Variants in TXLNB observed in about 807,000 individuals in gnomAD.
TXLNB encodes the protein taxilin beta, also known as beta-taxilin.
TXLNB carries 37 observed loss-of-function variants against 57.4 expected under a neutral mutation model. The ratio of observed to expected loss-of-function variants is 0.64; its 90% CI spans 0.50 to 0.85. The LOEUF is 0.85. Ranked by LOEUF, TXLNB falls within the 40% of genes least tolerant of loss-of-function variation. The pLI is 0.00. For missense variants in TXLNB, 848 were observed against 825.6 expected, an observed-to-expected ratio of 1.03 and a Z score of -0.33; for synonymous variants, 302 against 309.6, an observed-to-expected ratio of 0.98 and a Z score of 0.26.
the TXLNB span, among the ~76,000 whole-genome samples, chr6:139,227,525 A>G: frequency 1.1e-4 from 17 of 152,232 alleles, no homozygotes; most frequent in African/African-American, 4.1e-4. Context: ...AGTATCTCCT[A>G]TATCTGAAAT....
At chr6:139,186,045 A>G in the TXLNB span, among the ~76,000 whole-genome samples, 1 of 152,218 alleles carries the variant, frequency 6.6e-6, no homozygotes, top group South Asian at 2.1e-4. Flanking sequence ...AGTTGACCCT[A>G]TAATCAGTTG....
the TXLNB span, among the ~76,000 whole-genome samples, chr6:139,167,688 AAACAT>A: frequency 6.6e-6 from 1 of 152,188 alleles, no homozygotes; most frequent in Admixed American, 6.5e-5. Flanking sequence ...AGATCCTTAT[AAACAT>A]AACAGTGAGG....
intron 4 of TXLNB, among the ~76,000 whole-genome samples, chr6:139,263,962 A>C (rs1776549897): frequency 6.6e-6 from 1 of 152,206 alleles, no homozygotes; most frequent in Non-Finnish European, 1.5e-5. Context: ...CCAAATAAAA[A>C]CTGATGCTGA....
chr6:139,183,833 G>A, the TXLNB span, among the ~76,000 whole-genome samples: 127 of 149,440 alleles, frequency 8.5e-4, 1 homozygote, highest in African/African-American at 3.1e-3. Context: ...GGTTCGGTAC[G>A]TGCAAAATCA....
At chr6:139,260,476 T>C in intron 5 of TXLNB, 39 bp from the exon 6 acceptor site, 1 of 1,596,360 alleles carries the variant, frequency 6.3e-7, no homozygotes, top group Non-Finnish European at 8.5e-7. Context: ...CTTGGTTTAT[T>C]ATTGGTGCTT....
the TXLNB span, among the ~76,000 whole-genome samples, chr6:139,190,962 G>A: frequency 6.6e-6 from 1 of 152,108 alleles, no homozygotes; most frequent in Non-Finnish European, 1.5e-5. Context: ...AGAAAAAGAA[G>A]ACACCTTAAA....
At chr6:139,232,339 C>T in the TXLNB span, among the ~76,000 whole-genome samples, 236 of 152,258 alleles carry the variant, frequency 1.5e-3, no homozygotes, top group African/African-American at 5.5e-3. Context: ...CACATTCCAC[C>T]GGGTCCCTCC....
At chr6:139,264,485 C>G (rs1432278051) in intron 4 of TXLNB, among the ~76,000 whole-genome samples, 1 of 151,556 alleles carries the variant, frequency 6.6e-6, no homozygotes, top group East Asian at 2.0e-4. Flanking sequence ...AAATGTCAAA[C>G]AAACAATCAT....
the TXLNB span, among the ~76,000 whole-genome samples, chr6:139,192,780 T>TAA: frequency 0.022 from 3,115 of 143,846 alleles, 111 homozygotes; most frequent in African/African-American, 0.074. Flanking sequence ...CCGTCTCTAC[T>TAA]AAAAAAAAAA....
At chr6:139,252,440 CTAT>C (rs1349032032) in intron 7 of TXLNB, among the ~76,000 whole-genome samples, 2 of 152,196 alleles carry the variant, frequency 1.3e-5, no homozygotes, top group African/African-American at 4.8e-5. Flanking sequence ...TTCAGGACCT[CTAT>C]TTTATTCTTG....
chr6:139,170,859 A>G, the TXLNB span, among the ~76,000 whole-genome samples: 1 of 152,132 alleles, frequency 6.6e-6, no homozygotes, highest in Admixed American at 6.5e-5. Context: ...GACAGAGTTG[A>G]GGCTTTGTAG....
chr6:139,194,739 T>A, the TXLNB span, among the ~76,000 whole-genome samples: 1 of 152,202 alleles, frequency 6.6e-6, no homozygotes, highest in Non-Finnish European at 1.5e-5. Flanking sequence ...CTGTATAATG[T>A]TTTTCTTTCA....
At chr6:139,226,302 C>CAAAAAAAAAAAAAAA in the TXLNB span, among the ~76,000 whole-genome samples, 1 of 39,246 alleles carries the variant, frequency 2.5e-5, no homozygotes. Flanking sequence ...GACCCTGTCT[C>CAAAAAAAAAAAAAAA]AAAAAAAAAA....
chr6:139,213,977 C>T, the TXLNB span, among the ~76,000 whole-genome samples: 1 of 152,112 alleles, frequency 6.6e-6, no homozygotes, highest in African/African-American at 2.4e-5. Context: ...GAAATTGAGG[C>T]AATAATTAAT....
the TXLNB span, among the ~76,000 whole-genome samples, chr6:139,188,794 G>C: frequency 6.7e-6 from 1 of 149,840 alleles, no homozygotes; most frequent in Non-Finnish European, 1.5e-5. Flanking sequence ...TTGCTCTGTC[G>C]CCCAGGCTGG....
intron 7 of TXLNB, among the ~76,000 whole-genome samples, chr6:139,248,435 G>A (rs1198445819): frequency 1.3e-5 from 2 of 151,724 alleles, no homozygotes; most frequent in Non-Finnish European, 2.9e-5. Flanking sequence ...GGCAGGGGTT[G>A]CAGTGAGCAG....
At chr6:139,166,871 G>A in the TXLNB span, 12 of 1,613,786 alleles carry the variant, frequency 7.4e-6, no homozygotes, top group South Asian at 4.4e-5. Flanking sequence ...CCACTTCAGC[G>A]GCCCCCGCTC....
At chr6:139,222,615 T>C in the TXLNB span, among the ~76,000 whole-genome samples, 60 of 152,312 alleles carry the variant, frequency 3.9e-4, no homozygotes, top group African/African-American at 1.4e-3. Context: ...GAGACCAGCC[T>C]GGCCAACATG....
the TXLNB span, among the ~76,000 whole-genome samples, chr6:139,225,909 A>G: frequency 6.6e-6 from 1 of 152,220 alleles, no homozygotes; most frequent in African/African-American, 2.4e-5. Context: ...TTACATTATC[A>G]GCTATAAAGA....
Sources: gnomAD v4.1 joint callset for allele counts (sites outside exome capture counted in the v4.1 genomes callset) on GRCh38, gnomAD v4.1.1 for gene constraint, MANE v1.5 for transcripts, NCBI Gene and HGNC (gene_info 2026-07-23, HGNC 2026-07-21) for gene names.